ZNF385D: variants seen among roughly 807,000 people sequenced by gnomAD.
ZNF385D encodes the protein zinc finger protein 385D.
Under a neutral mutation model 35.8 loss-of-function variants are expected in ZNF385D, and 15 were observed. The ratio of observed to expected loss-of-function variants is 0.42; its 90% confidence interval spans 0.28 to 0.64. The LOEUF is 0.64. Ranked by LOEUF, ZNF385D falls within the 30% of genes least tolerant of loss-of-function variation. The probability of loss-of-function intolerance (pLI) is 0.23; values close to 1 mark genes in which losing one functional copy is unlikely to be tolerated. For missense variants in ZNF385D, 474 were observed against 494.6 expected, an observed-to-expected ratio of 0.96 and a Z score of 0.39; for synonymous variants, 212 against 186.8, an observed-to-expected ratio of 1.13 and a Z score of -1.10.
At chr3:22,261,013 A>G (rs1700599105) in intron 2 of ZNF385D, among the ~76,000 whole-genome samples, 1 of 152,030 alleles carries the variant, frequency 6.6e-6, no homozygotes, top group Non-Finnish European at 1.5e-5. Flanking sequence ...TATTACTTAA[A>G]TGGGGATAAT....
At chr3:22,004,513 A>G (rs1286260183) in intron 3 of ZNF385D, among the ~76,000 whole-genome samples, 1 of 152,234 alleles carries the variant, frequency 6.6e-6, no homozygotes, top group Non-Finnish European at 1.5e-5. Context: ...AATAGGAGAA[A>G]GTGTTTGCAA....
intron 2 of ZNF385D, among the ~76,000 whole-genome samples, chr3:22,304,289 TAATA>T (rs1183347569): frequency 6.6e-6 from 1 of 152,182 alleles, no homozygotes; most frequent in African/African-American, 2.4e-5. Flanking sequence ...CTTTATGATT[TAATA>T]GATATGTTGA....
chr3:21,792,028 C>T (rs866751113), intron 3 of ZNF385D, among the ~76,000 whole-genome samples: 2 of 152,146 alleles, frequency 1.3e-5, no homozygotes, highest in South Asian at 2.1e-4. Context: ...CCACTGTGCC[C>T]GGCCCTAATC....
At chr3:21,826,029 T>G (rs1020723002) in intron 3 of ZNF385D, among the ~76,000 whole-genome samples, 2 of 152,148 alleles carry the variant, frequency 1.3e-5, no homozygotes, top group Non-Finnish European at 2.9e-5. Context: ...CATCCCCTTC[T>G]TCCCCTCAAC....
At chr3:21,641,724 C>T (rs2065612150) in intron 2 of ZNF385D, among the ~76,000 whole-genome samples, 1 of 150,434 alleles carries the variant, frequency 6.6e-6, no homozygotes, top group Admixed American at 6.7e-5. Flanking sequence ...GATCTGCCTG[C>T]CTTGGCCTCC....
At chr3:22,259,271 T>C (rs781132719) in intron 2 of ZNF385D, among the ~76,000 whole-genome samples, 3 of 151,976 alleles carry the variant, frequency 2.0e-5, no homozygotes, top group Non-Finnish European at 2.9e-5. Flanking sequence ...TTATTAAGAA[T>C]TGGGGAGTTG....
intron 3 of ZNF385D, among the ~76,000 whole-genome samples, chr3:22,029,896 TGATTG>T (rs2125475093): frequency 6.6e-6 from 1 of 152,144 alleles, no homozygotes; most frequent in South Asian, 2.1e-4. Flanking sequence ...AGTATCAACT[TGATTG>T]GATTGAACGA....
At chr3:21,511,756 A>T (rs79261822) in intron 3 of ZNF385D, 8,851 of 456,132 alleles carry the variant, frequency 0.019, 317 homozygotes, top group South Asian at 0.073. Flanking sequence ...TGCTTGTGCC[A>T]TCTGAGATAT....
intron 3 of ZNF385D, among the ~76,000 whole-genome samples, chr3:22,067,472 C>G (rs1700014204): frequency 6.6e-6 from 1 of 152,152 alleles, no homozygotes; most frequent in Non-Finnish European, 1.5e-5. Flanking sequence ...AATATAGTTT[C>G]TGAGTTGGCA....
At chr3:21,798,180 C>T (rs1309892575) in intron 3 of ZNF385D, among the ~76,000 whole-genome samples, 1 of 152,062 alleles carries the variant, frequency 6.6e-6, no homozygotes, top group Non-Finnish European at 1.5e-5. Flanking sequence ...TCCTGTGAAC[C>T]AATAACTGCT....
At chr3:22,077,855 T>C (rs1031173180) in intron 3 of ZNF385D, among the ~76,000 whole-genome samples, 1 of 151,900 alleles carries the variant, frequency 6.6e-6, no homozygotes, top group African/African-American at 2.4e-5. Context: ...TATTTATTCA[T>C]TTTCCATGTG....
chr3:21,507,438 C>G (rs1333219208), intron 4 of ZNF385D, among the ~76,000 whole-genome samples: 4 of 152,036 alleles, frequency 2.6e-5, no homozygotes, highest in African/African-American at 9.7e-5. Context: ...TTTCATGTGT[C>G]TCTATCTTTT....
At chr3:21,451,386 T>C (rs1164013639) in intron 4 of ZNF385D, among the ~76,000 whole-genome samples, 2 of 152,120 alleles carry the variant, frequency 1.3e-5, no homozygotes, top group African/African-American at 4.8e-5. Context: ...AGATGTATGT[T>C]ACATAGCACA....
intron 3 of ZNF385D, among the ~76,000 whole-genome samples, chr3:21,522,034 AG>A (rs2125503649): frequency 6.6e-6 from 1 of 152,342 alleles, no homozygotes; most frequent in South Asian, 2.1e-4. Context: ...GCCAAAATAA[AG>A]GAAAATGAAT....
chr3:22,015,796 G>C (rs544206223), intron 3 of ZNF385D, among the ~76,000 whole-genome samples: 1 of 152,166 alleles, frequency 6.6e-6, no homozygotes, highest in Admixed American at 6.5e-5. Context: ...AGACTGGCTT[G>C]GATTCATGCT....
intron 2 of ZNF385D, among the ~76,000 whole-genome samples, chr3:22,363,447 A>G (rs1457809485): frequency 6.6e-6 from 1 of 152,188 alleles, no homozygotes; most frequent in African/African-American, 2.4e-5. Context: ...ACAAGGAGGC[A>G]TCCAATAACT....
At chr3:21,442,085 C>A (rs569330217) in intron 4 of ZNF385D, among the ~76,000 whole-genome samples, 2 of 152,098 alleles carry the variant, frequency 1.3e-5, no homozygotes, top group African/African-American at 4.8e-5. Flanking sequence ...TTGTGACCTT[C>A]GTCTTGTATA....
chr3:22,130,772 A>G (rs1703739049), intron 3 of ZNF385D, among the ~76,000 whole-genome samples: 1 of 152,148 alleles, frequency 6.6e-6, no homozygotes, highest in African/African-American at 2.4e-5. Context: ...AGAACTGGGT[A>G]CCATGATTGC....
chr3:22,368,099 A>T (rs1696737347), intron 2 of ZNF385D, among the ~76,000 whole-genome samples: 1 of 152,224 alleles, frequency 6.6e-6, no homozygotes, highest in Non-Finnish European at 1.5e-5. Flanking sequence ...TGGTAGATAT[A>T]TTTCCATAAA....
Sources: allele counts gnomAD v4.1 joint callset (sites outside exome capture counted in the v4.1 genomes callset), GRCh38; gene constraint gnomAD v4.1.1; transcripts MANE v1.5; gene names NCBI Gene and HGNC (gene_info 2026-07-23, HGNC 2026-07-21).